ADGRL3: variants seen among roughly 807,000 people sequenced by gnomAD.
The protein encoded by ADGRL3 is calcium-independent alpha-latrotoxin receptor 3.
In ADGRL3, 62 loss-of-function variants were observed where a neutral mutation model predicts 153.5. The observed-to-expected ratio is 0.40, with a 90% confidence interval of 0.33 to 0.50. The LOEUF (loss-of-function observed/expected upper bound fraction) is 0.50, where lower values mean the gene tolerates loss of function less well. Ranked by LOEUF, ADGRL3 falls within the 20% of genes least tolerant of loss-of-function variation. The pLI, the probability that ADGRL3 is intolerant of heterozygous loss-of-function variation, is 0.47. For missense variants in ADGRL3, 1,641 were observed against 1,859.4 expected (o/e 0.88, Z 2.16); for synonymous variants, 710 against 672.5 (o/e 1.06, Z -0.86).
chr4:61,476,801 G>A (rs955272783), intron 2 of ADGRL3, among the ~76,000 whole-genome samples: 2 of 144,316 alleles, frequency 1.4e-5, no homozygotes, highest in African/African-American at 5.1e-5. Flanking sequence ...GTCTGGAACC[G>A]CTGACCTCAA....
chr4:61,832,216 C>T (rs1030842012), intron 9 of ADGRL3, among the ~76,000 whole-genome samples: 4 of 152,158 alleles, frequency 2.6e-5, no homozygotes, highest in Middle Eastern at 3.4e-3. Flanking sequence ...TCTTCAGAGG[C>T]GAGAGATGTG....
intron 1 of ADGRL3, among the ~76,000 whole-genome samples, chr4:61,365,978 C>A (rs1349166579): frequency 6.6e-6 from 1 of 152,030 alleles, no homozygotes; most frequent in East Asian, 1.9e-4. Flanking sequence ...TGTTTCTCAA[C>A]AAGTTATTTT....
intron 9 of ADGRL3, among the ~76,000 whole-genome samples, chr4:61,837,520 T>G (rs1031589997): frequency 6.6e-6 from 1 of 152,072 alleles, no homozygotes; most frequent in Non-Finnish European, 1.5e-5. Flanking sequence ...TCTATACAGG[T>G]ATGATTGGTC....
chr4:62,009,121 T>A (rs1174918964), intron 21 of ADGRL3, among the ~76,000 whole-genome samples: 4 of 152,114 alleles, frequency 2.6e-5, no homozygotes, highest in Admixed American at 6.6e-5. Context: ...CAGAATATAT[T>A]CCCATCATTA....
chr4:61,588,656 AT>A (rs969430647), intron 5 of ADGRL3, among the ~76,000 whole-genome samples: 1 of 152,002 alleles, frequency 6.6e-6, no homozygotes, highest in African/African-American at 2.4e-5. Context: ...ATTTCATTTG[AT>A]AAAAGTTTGG....
chr4:61,233,155 A>G (rs1299676634), intron 1 of ADGRL3, among the ~76,000 whole-genome samples: 3 of 152,226 alleles, frequency 2.0e-5, no homozygotes, highest in Non-Finnish European at 2.9e-5. Context: ...CCTAGTAATA[A>G]TAATAACATC....
At chr4:61,360,464 A>C (rs985651048) in intron 1 of ADGRL3, among the ~76,000 whole-genome samples, 1 of 152,330 alleles carries the variant, frequency 6.6e-6, no homozygotes, top group African/African-American at 2.4e-5. Context: ...AAGAGAAGGA[A>C]GGAAATTACG....
intron 11 of ADGRL3, among the ~76,000 whole-genome samples, chr4:61,896,898 C>G (rs2098634812): frequency 6.6e-6 from 1 of 152,144 alleles, no homozygotes; most frequent in South Asian, 2.1e-4. Context: ...TAGCATATCT[C>G]CCTACATTAG....
intron 1 of ADGRL3, among the ~76,000 whole-genome samples, chr4:61,231,117 A>G (rs912610326): frequency 6.6e-6 from 1 of 152,242 alleles, no homozygotes; most frequent in Middle Eastern, 3.2e-3. Context: ...GAGTGGATCA[A>G]CAATGAAGAT....
At chr4:61,866,286 A>C (rs552893381) in intron 9 of ADGRL3, among the ~76,000 whole-genome samples, 1 of 152,330 alleles carries the variant, frequency 6.6e-6, no homozygotes, top group East Asian at 1.9e-4. Context: ...AATGAGGGGA[A>C]AGCATCAAAT....
In ADGRL3 at chr4:61,782,070, A is replaced by C. The variant is rs559248991; in HGVS notation, c.1400-31739A>C. 8.5e-5 allele frequency among the ~76,000 whole-genome samples: 13 copies of C among 152,306 alleles called. No individual in the cohort carries two copies. The South Asian group carries it at 2.7e-3, about 32-fold the overall frequency. Reference sequence around the variant, plus strand: ...ATTACAAAGCAATTTTTTATGATTAAAATAGGCTGACTGTATTACTTGAAA... The same window carrying C: ...ATTACAAAGCAATTTTTTATGATTACAATAGGCTGACTGTATTACTTGAAA... On this transcript the variant is annotated intron_variant, in intron 8 of 26. Transcript: ENST00000683033.
intron 1 of ADGRL3, among the ~76,000 whole-genome samples, chr4:61,269,394 G>A (rs972493437): frequency 6.6e-6 from 1 of 151,546 alleles, no homozygotes; most frequent in African/African-American, 2.4e-5. Context: ...CCACTTGATC[G>A]CATGTGTTTC....
At chr4:61,261,108 C>T (rs10011980) in intron 1 of ADGRL3, among the ~76,000 whole-genome samples, 3,159 of 152,060 alleles carry the variant, frequency 0.021, 99 homozygotes, top group African/African-American at 0.069. Flanking sequence ...GCTTGATCCT[C>T]CCACTTCAGC....
chr4:61,438,417 T>C (rs1337183153), intron 2 of ADGRL3, among the ~76,000 whole-genome samples: 2 of 151,506 alleles, frequency 1.3e-5, no homozygotes, highest in Non-Finnish European at 2.9e-5. Flanking sequence ...AATGTGCAGG[T>C]TAGTTACATA....
chr4:61,612,246 T>A (rs2091453780), intron 5 of ADGRL3, among the ~76,000 whole-genome samples: 1 of 152,314 alleles, frequency 6.6e-6, no homozygotes, highest in Admixed American at 6.5e-5. Flanking sequence ...TTTGATACCC[T>A]TCTGTCTTTC....
intron 9 of ADGRL3, among the ~76,000 whole-genome samples, chr4:61,887,326 T>C (rs1375832070): frequency 2.0e-5 from 3 of 152,158 alleles, no homozygotes; most frequent in Non-Finnish European, 4.4e-5. Context: ...GGAAGACTTA[T>C]AATTATATAA....
chr4:61,800,838 T>C (rs2097486753), intron 8 of ADGRL3, among the ~76,000 whole-genome samples: 1 of 152,182 alleles, frequency 6.6e-6, no homozygotes, highest in South Asian at 2.1e-4. Context: ...ATGGTCAGGA[T>C]GATGTGATGA....
At chr4:61,845,752 A>G (rs2098109954) in intron 9 of ADGRL3, among the ~76,000 whole-genome samples, 1 of 152,100 alleles carries the variant, frequency 6.6e-6, no homozygotes, top group Non-Finnish European at 1.5e-5. Context: ...ATTAACGCTT[A>G]ATGACAGAAA....
chr4:62,056,982 T>C (rs1737360851), intron 25 of ADGRL3, among the ~76,000 whole-genome samples: 1 of 152,064 alleles, frequency 6.6e-6, no homozygotes, highest in South Asian at 2.1e-4. Flanking sequence ...ATTCTAAAAC[T>C]TTGGCCATTC....
Sources: gnomAD v4.1 joint callset for allele counts (sites outside exome capture counted in the v4.1 genomes callset) on GRCh38, gnomAD v4.1.1 for gene constraint, MANE v1.5 for transcripts, NCBI Gene and HGNC (gene_info 2026-07-23, HGNC 2026-07-21) for gene names.